Variants in USP34 observed in about 807,000 individuals in gnomAD.
USP34 encodes the protein ubiquitin specific peptidase 34, also known as ubiquitin carboxyl-terminal hydrolase 34.
In USP34, 70 loss-of-function variants were observed where a neutral mutation model predicts 460.3. The ratio of observed to expected loss-of-function variants is 0.15; its 90% CI spans 0.13 to 0.19. The LOEUF (loss-of-function observed/expected upper bound fraction) is 0.19, where lower values mean the gene tolerates loss of function less well. Among genes scored for constraint, USP34 ranks in the 10% least tolerant of loss-of-function variants. USP34 has a pLI of 1.00. For synonymous variants in USP34, 1,647 were observed against 1,405.3 expected (o/e 1.17, Z -3.85); for missense variants, 3,985 against 4,236.2 (o/e 0.94, Z 1.65).
chr2:61,222,496 T>C (rs1558474192), intron 65 of USP34, 123 bp downstream of exon 65: 9 of 681,990 alleles, frequency 1.3e-5, no homozygotes, highest in Non-Finnish European at 2.0e-5. Flanking sequence ...CACTTAAAAA[T>C]AGGTTATTAT....
chr2:61,204,114 A>G (rs1687048562), intron 74 of USP34, 142 bp downstream of exon 74: 1 of 1,166,702 alleles, frequency 8.6e-7, no homozygotes, highest in Non-Finnish European at 1.2e-6. Flanking sequence ...GAGCACTAAA[A>G]GGAAAAAGTC....
At chr2:61,300,594 A>C (rs1221730756) in intron 29 of USP34, among the ~76,000 whole-genome samples, 1 of 151,272 alleles carries the variant, frequency 6.6e-6, no homozygotes, top group Non-Finnish European at 1.5e-5. Flanking sequence ...TCAGGAGTTC[A>C]AGACCAGCCT....
In USP34 at chr2:61,188,473, A is replaced by C; in HGVS notation, c.10270T>G (p.Ser3424Ala). The C allele has an allele frequency of 6.2e-7, 1 of 1,614,216 alleles. No individual in the cohort carries two copies. The highest frequency in any genetic ancestry group is 8.5e-7 in the Non-Finnish European group (1 of 1,180,032). The stretch of plus-strand genomic sequence containing the variant: ...GACCTGATATTTGACATGTCTTCTG[A>C]AAACGAAGATGGAACTTCCATTCGG... ...EYRMEVPSSF[S>A]EDMSNIRSQH... Residue 3424 changes from serine (S) to alanine (A), a missense_variant, in exon 80 of 80, where the codon TCA becomes GCA. Transcript: ENST00000398571.
At chr2:61,203,303 T>C in intron 74 of USP34, 40 bp from the exon 75 acceptor site, 1 of 1,434,926 alleles carries the variant, frequency 7.0e-7, no homozygotes, top group South Asian at 1.7e-5. Flanking sequence ...ACTTAAATTG[T>C]ATAATAAAGA....
At chr2:61,311,762 G>A in intron 26 of USP34, 22 bp downstream of exon 26, 4 of 1,610,516 alleles carry the variant, frequency 2.5e-6, no homozygotes, top group Admixed American at 1.7e-5. Context: ...TATCAACTTC[G>A]AAATTAAAAC....
intron 3 of USP34, among the ~76,000 whole-genome samples, chr2:61,401,440 G>T (rs1033031870): frequency 6.7e-6 from 1 of 150,210 alleles, no homozygotes; most frequent in African/African-American, 2.4e-5. Context: ...CTCTTGCTAT[G>T]TTGCCCAGCC....
At chr2:61,193,073 A>G (rs1686687419) in intron 75 of USP34, 93 bp from the exon 76 acceptor site, 2 of 939,328 alleles carry the variant, frequency 2.1e-6, no homozygotes, top group Non-Finnish European at 3.3e-6. Context: ...AGCTATTTCT[A>G]GTCATAACTG....
chr2:61,465,716 G>A (rs997112432), intron 1 of USP34, among the ~76,000 whole-genome samples: 15 of 152,156 alleles, frequency 9.9e-5, no homozygotes, highest in African/African-American at 2.4e-4. Flanking sequence ...GGTGGCTCAC[G>A]CCTGTAATGC....
At position 61,283,415 on chromosome 2, in the gene USP34, G is replaced by A; in HGVS notation, c.4867C>T (p.His1623Tyr). Residue 1623 changes from histidine to tyrosine, a missense_variant, in exon 36 of 80, where the codon CAT (histidine) becomes TAT (tyrosine). By Grantham distance (83) the His-to-Tyr change is moderately conservative. This residue lies in a region of USP34 where 1,114 missense variants were observed against 1,122.5 expected (regional missense o/e 0.99). Transcript: ENST00000398571. ...LKAQSDHRSR[H>Y]EVSHYSMWLL... ...AACTTTGTGGAACCCTTACCTTCATGTCTAGACCTGTGATCAGACTGAGCT... is the reference window on the plus strand; with the variant it reads ...AACTTTGTGGAACCCTTACCTTCATATCTAGACCTGTGATCAGACTGAGCT... 2 of 1,606,720 alleles carry A rather than the reference G, an allele frequency of 1.2e-6. No homozygotes were observed. The highest frequency in any genetic ancestry group is 1.7e-6 in the Non-Finnish European group (2 of 1,177,326).
At chr2:61,397,915 A>G (rs543531449) in intron 3 of USP34, among the ~76,000 whole-genome samples, 1 of 151,990 alleles carries the variant, frequency 6.6e-6, no homozygotes, top group African/African-American at 2.4e-5. Context: ...AAAAAAAAAG[A>G]AATTAACCAG....
intron 27 of USP34, among the ~76,000 whole-genome samples, chr2:61,310,468 T>C (rs1171004828): frequency 1.3e-5 from 2 of 151,976 alleles, no homozygotes; most frequent in Middle Eastern, 3.2e-3. Flanking sequence ...GATAATGATA[T>C]GCCCTACAAG....
intron 48 of USP34, among the ~76,000 whole-genome samples, chr2:61,250,893 C>T (rs1358353371): frequency 6.6e-6 from 1 of 152,174 alleles, no homozygotes; most frequent in African/African-American, 2.4e-5. Context: ...AATCCCAGCA[C>T]TTTGGGAGGC....
chr2:61,457,940 G>C (rs1695484912), intron 1 of USP34, among the ~76,000 whole-genome samples: 1 of 152,082 alleles, frequency 6.6e-6, no homozygotes. Context: ...GACAGTACTT[G>C]ATATATCCGA....
Position 61,345,748 on chromosome 2 carries a change from C to G in USP34, c.2286-1719G>C, listed in dbSNP as rs534812749. Among the ~76,000 whole-genome samples, 7 of 152,146 alleles carry G rather than the reference C, an allele frequency of 4.6e-5. No homozygotes were observed. In the South Asian group the frequency reaches 1.0e-3, roughly 23 times the overall value. ...CTCCTGGACTCAAGCGATCCTTCCA[C>G]CTCAGCCTCCCAATTATCTAGAACT... On this transcript the variant is annotated intron_variant, in intron 15 of 79. Coordinates refer to ENST00000398571, the MANE Select transcript of USP34 (RefSeq NM_014709.4).
At chr2:61,256,558 T>G in intron 47 of USP34, 80 bp from the exon 48 acceptor site, 1 of 1,173,018 alleles carries the variant, frequency 8.5e-7, no homozygotes, top group African/African-American at 1.6e-5. Flanking sequence ...ATTACAATTT[T>G]GACAGAATGC....
intron 30 of USP34, among the ~76,000 whole-genome samples, chr2:61,295,715 T>C (rs998422749): frequency 2.6e-5 from 4 of 152,152 alleles, no homozygotes; most frequent in Admixed American, 6.5e-5. Context: ...ATTCATGAAA[T>C]AATGTAATTC....
In USP34 at chr2:61,347,856, TG is replaced by T. The variant is rs1003879567; in HGVS notation, c.2285+13del. 1.9e-6 allele frequency: 3 copies of T among 1,607,978 alleles called. No individual in the cohort carries two copies. On this transcript the variant is annotated intron_variant, in intron 15 of 79. Coordinates refer to ENST00000398571, the MANE Select transcript of USP34 (RefSeq NM_014709.4). The stretch of plus-strand genomic sequence containing the variant: ...GGAAATATGAACTGAATATTTATTT[TG>T]AAGTAGGCTTACCCATCGTGGTGGT...
Position 61,257,197 on chromosome 2 carries a change from T to A in USP34, c.5991+7A>T. On this transcript the variant is annotated splice_region_variant and intron_variant, in intron 45 of 79. Transcript: ENST00000398571. ...TCAAAGAAACTTTTCAGTATTCTGATACTAACCAGTTCGGGAGACATTTCT... is the reference window on the plus strand; with the variant it reads ...TCAAAGAAACTTTTCAGTATTCTGAAACTAACCAGTTCGGGAGACATTTCT... 6.2e-7 allele frequency: 1 copy of A among 1,603,812 alleles called. No homozygotes were observed. Among genetic ancestry groups the A allele is most frequent in the Non-Finnish European group, 8.5e-7 (1 of 1,176,404 alleles).
intron 68 of USP34, among the ~76,000 whole-genome samples, chr2:61,212,546 T>C (rs1425295815): frequency 1.3e-5 from 2 of 152,156 alleles, no homozygotes; most frequent in African/African-American, 4.8e-5. Context: ...TCCTGATGAA[T>C]AAAAAGTAAA....
Sources: gnomAD v4.1 joint callset for allele counts (sites outside exome capture counted in the v4.1 genomes callset) on GRCh38, gnomAD v4.1.1 for gene constraint, gnomAD v4.1.1 regional missense constraint, MANE v1.5 for transcripts, NCBI Gene and HGNC (gene_info 2026-07-23, HGNC 2026-07-21) for gene names.